Variants in NBEA observed in about 807,000 individuals in gnomAD.
The protein encoded by NBEA is neurobeachin.
In NBEA, 44 loss-of-function variants were observed where a neutral mutation model predicts 343.4. The ratio of observed to expected loss-of-function variants is 0.13; its 90% CI spans 0.10 to 0.16. The LOEUF (loss-of-function observed/expected upper bound fraction) is 0.16, where lower values mean the gene tolerates loss of function less well. NBEA is among the 10% of genes least tolerant of loss of function. NBEA has a pLI of 1.00. For missense variants in NBEA, 2,555 were observed against 3,631.3 expected (o/e 0.70, Z 7.62); for synonymous variants, 1,175 against 1,238.7 (o/e 0.95, Z 1.08).
At chr13:34,966,132 A>G (rs1404793162) in intron 1 of NBEA, among the ~76,000 whole-genome samples, 2 of 152,116 alleles carry the variant, frequency 1.3e-5, no homozygotes, top group Non-Finnish European at 2.9e-5. Flanking sequence ...TCCCATTTGT[A>G]TATAAGAAAA....
intron 33 of NBEA, among the ~76,000 whole-genome samples, chr13:35,222,923 A>T (rs1184894427): frequency 6.6e-6 from 1 of 152,076 alleles, no homozygotes; most frequent in African/African-American, 2.4e-5. Flanking sequence ...GAGGTCAGGA[A>T]TTTGAGAGTA....
chr13:35,083,755 A>G (rs984758823), intron 10 of NBEA, among the ~76,000 whole-genome samples: 2 of 152,132 alleles, frequency 1.3e-5, no homozygotes, highest in Non-Finnish European at 2.9e-5. Flanking sequence ...TTGATACATA[A>G]CAATATTAAC....
chr13:35,111,391 G>T, intron 13 of NBEA, among the ~76,000 whole-genome samples: 1 of 150,346 alleles, frequency 6.7e-6, no homozygotes. Flanking sequence ...ATTCTTCACT[G>T]TGATTTTTTT....
At chr13:35,309,377 T>C (rs2037205027) in intron 35 of NBEA, 151 bp from the exon 36 acceptor site, 1 of 571,548 alleles carries the variant, frequency 1.7e-6, no homozygotes, top group Admixed American at 3.9e-5. Flanking sequence ...TTTGATTTTT[T>C]ACAAAATAAT....
intron 44 of NBEA, among the ~76,000 whole-genome samples, chr13:35,556,290 A>G (rs1294045294): frequency 6.6e-6 from 1 of 152,106 alleles, no homozygotes; most frequent in Non-Finnish European, 1.5e-5. Flanking sequence ...TCATGAGCAT[A>G]TTTAAGTAAA....
chr13:34,984,594 G>C (rs1055712387), intron 1 of NBEA, among the ~76,000 whole-genome samples: 6 of 149,108 alleles, frequency 4.0e-5, no homozygotes, highest in African/African-American at 1.5e-4. Context: ...GTCACTGATA[G>C]CTTGATGGGG....
chr13:35,634,015 G>A (rs2083587154), intron 49 of NBEA, among the ~76,000 whole-genome samples: 1 of 152,050 alleles, frequency 6.6e-6, no homozygotes, highest in South Asian at 2.1e-4. Context: ...ATTAGTATTA[G>A]CATTTATATC....
At chr13:35,410,780 G>A (rs2152916596) in intron 38 of NBEA, among the ~76,000 whole-genome samples, 1 of 152,248 alleles carries the variant, frequency 6.6e-6, no homozygotes, top group South Asian at 2.1e-4. Context: ...GTTACAAGGA[G>A]CCAAATCAAG....
At chr13:35,240,386 A>G (rs2030019118) in intron 34 of NBEA, among the ~76,000 whole-genome samples, 1 of 151,854 alleles carries the variant, frequency 6.6e-6, no homozygotes, top group African/African-American at 2.4e-5. Context: ...CTAAGCTTCA[A>G]TGGCTGCTAA....
intron 30 of NBEA, among the ~76,000 whole-genome samples, chr13:35,194,509 A>G (rs566265421): frequency 6.6e-6 from 1 of 152,132 alleles, no homozygotes; most frequent in Non-Finnish European, 1.5e-5. Flanking sequence ...TGTGCTTCTC[A>G]TTTTCAAAGA....
At chr13:35,593,113 C>T in intron 46 of NBEA, 1 of 415,312 alleles carries the variant, frequency 2.4e-6, no homozygotes, top group African/African-American at 2.0e-5. Flanking sequence ...AGACCAGAAG[C>T]AAAATGACCT....
At chr13:35,428,366 A>G (rs1306989114) in intron 38 of NBEA, among the ~76,000 whole-genome samples, 3 of 152,158 alleles carry the variant, frequency 2.0e-5, no homozygotes, top group Non-Finnish European at 4.4e-5. Context: ...CAAATGCTAA[A>G]TGTTGTGCTC....
At chr13:35,098,178 G>A (rs113290189) in intron 10 of NBEA, 119 bp from the exon 11 acceptor site, 2 of 655,556 alleles carry the variant, frequency 3.1e-6, no homozygotes, top group Non-Finnish European at 5.1e-6. Context: ...GTCATTGTCA[G>A]TAAAATAGAG....
intron 41 of NBEA, among the ~76,000 whole-genome samples, chr13:35,499,882 A>G (rs1207281635): frequency 6.6e-6 from 1 of 152,090 alleles, no homozygotes; most frequent in African/African-American, 2.4e-5. Flanking sequence ...GTGTTAAGAC[A>G]TTGTTGAGCA....
intron 17 of NBEA, among the ~76,000 whole-genome samples, chr13:35,129,437 T>G (rs2067296975): frequency 6.6e-6 from 1 of 151,850 alleles, no homozygotes; most frequent in Non-Finnish European, 1.5e-5. Flanking sequence ...ATAAACCATG[T>G]AATTAAAAAA....
At chr13:34,962,292 C>CTA (rs1319168321) in intron 1 of NBEA, among the ~76,000 whole-genome samples, 1 of 151,938 alleles carries the variant, frequency 6.6e-6, no homozygotes, top group Non-Finnish European at 1.5e-5. Flanking sequence ...ACATATGTGT[C>CTA]TATATATACA....
chr13:35,630,651 C>T (rs1160842703), intron 49 of NBEA, among the ~76,000 whole-genome samples: 1 of 152,170 alleles, frequency 6.6e-6, no homozygotes, highest in African/African-American at 2.4e-5. Context: ...TCTTTCTCCC[C>T]AGACCCCTTG....
intron 10 of NBEA, among the ~76,000 whole-genome samples, chr13:35,089,269 C>G (rs1459850201): frequency 1.4e-5 from 2 of 141,956 alleles, no homozygotes; most frequent in Non-Finnish European, 3.1e-5. Context: ...AGACACTTCT[C>G]AAAAGAAGAC....
chr13:35,619,595 C>T (rs983035071), intron 48 of NBEA, among the ~76,000 whole-genome samples: 9 of 152,114 alleles, frequency 5.9e-5, no homozygotes, highest in Admixed American at 2.6e-4. Context: ...AAGAGATGGG[C>T]CAGAGGGGGC....
Sources: gnomAD v4.1 joint callset for allele counts (sites outside exome capture counted in the v4.1 genomes callset) on GRCh38, gnomAD v4.1.1 for gene constraint, MANE v1.5 for transcripts, NCBI Gene and HGNC (gene_info 2026-07-23, HGNC 2026-07-21) for gene names.